PLOD2: variants seen among roughly 807,000 people sequenced by gnomAD.
PLOD2 encodes the protein lysine hydroxylase 2.
PLOD2 carries 65 observed loss-of-function variants against 101.0 expected under a neutral mutation model. That is an observed-to-expected ratio of 0.64 (90% confidence interval 0.53 to 0.79). The LOEUF is 0.79. Among genes scored for constraint, PLOD2 ranks in the 30% least tolerant of loss-of-function variants. PLOD2 has a pLI of 0.00. For missense variants in PLOD2, 909 were observed against 914.6 expected (o/e 0.99, Z 0.08); for synonymous variants, 314 against 302.9 (o/e 1.04, Z -0.38).
At chr3:146,123,294 G>T in intron 2 of PLOD2, 2 of 1,170,800 alleles carry the variant, frequency 1.7e-6, no homozygotes, top group Non-Finnish European at 2.1e-6. Flanking sequence ...CCTCTTATTT[G>T]TAGAAAAGAC....
intron 1 of PLOD2, among the ~76,000 whole-genome samples, chr3:146,157,032 G>A (rs2032331540): frequency 6.6e-6 from 1 of 152,176 alleles, no homozygotes; most frequent in Admixed American, 6.5e-5. Flanking sequence ...GCCAAACATG[G>A]TTCAGAAACA....
intron 1 of PLOD2, among the ~76,000 whole-genome samples, chr3:146,138,384 A>G (rs999722562): frequency 6.6e-6 from 1 of 152,158 alleles, no homozygotes; most frequent in Non-Finnish European, 1.5e-5. Context: ...TCAGGGCTAA[A>G]GATAAAGAAC....
intron 1 of PLOD2, among the ~76,000 whole-genome samples, chr3:146,131,313 A>G (rs908640896): frequency 6.6e-5 from 10 of 152,190 alleles, no homozygotes; most frequent in Admixed American, 5.2e-4. Context: ...GAGTACAACC[A>G]TATGCTGAAT....
intron 1 of PLOD2, among the ~76,000 whole-genome samples, chr3:146,154,743 A>G (rs561542623): frequency 6.6e-6 from 1 of 152,240 alleles, no homozygotes; most frequent in Non-Finnish European, 1.5e-5. Flanking sequence ...TAGAAATTTT[A>G]AAATGATTTT....
chr3:146,148,768 T>G (rs913407364), intron 1 of PLOD2, among the ~76,000 whole-genome samples: 42 of 152,232 alleles, frequency 2.8e-4, no homozygotes, highest in African/African-American at 9.9e-4. Flanking sequence ...TATTTCTGAA[T>G]CTCTGCTGAT....
At chr3:146,129,140 T>A (rs2030754985) in intron 1 of PLOD2, among the ~76,000 whole-genome samples, 1 of 152,138 alleles carries the variant, frequency 6.6e-6, no homozygotes, top group Non-Finnish European at 1.5e-5. Context: ...ATGTCTTTTA[T>A]CTGTAAAGAT....
chr3:146,124,197 C>G lies in PLOD2; in HGVS notation c.142G>C (p.Glu48Gln), dbSNP rs564246642. The change falls in exon 2 of 20, where the codon GAA (glutamate) becomes CAA (glutamine). Residue 48 changes from glutamate (E) to glutamine (Q), a missense_variant. Transcript: ENST00000282903. ...ATAAATCGATGGAATCCATCACTTTCTTTTGTTGCTACAGTTATGACTAAT... is the reference window on the plus strand; with the variant it reads ...ATAAATCGATGGAATCCATCACTTTGTTTTGTTGCTACAGTTATGACTAAT... ...KLLVITVATK[E>Q]SDGFHRFMQS... 6.3e-7 allele frequency: 1 copy of G among 1,595,312 alleles called. No individual in the cohort carries two copies. The highest frequency in any genetic ancestry group is 2.2e-5 in the East Asian group (1 of 44,662).
chr3:146,075,642 A>G (rs191779771), intron 15 of PLOD2, among the ~76,000 whole-genome samples: 3 of 151,706 alleles, frequency 2.0e-5, no homozygotes, highest in African/African-American at 7.2e-5. Context: ...AAATAATTTT[A>G]AAAAATGTAT....
intron 3 of PLOD2, among the ~76,000 whole-genome samples, chr3:146,119,184 A>T (rs1311209698): frequency 6.6e-6 from 1 of 152,050 alleles, no homozygotes; most frequent in Non-Finnish European, 1.5e-5. Context: ...GTTTAAAAGC[A>T]TGTAGCACAT....
chr3:146,134,914 G>T (rs979783397), intron 1 of PLOD2, among the ~76,000 whole-genome samples: 1 of 152,086 alleles, frequency 6.6e-6, no homozygotes, highest in African/African-American at 2.4e-5. Flanking sequence ...CAAGTCTGCC[G>T]AAATTAAAGC....
chr3:146,081,830 T>C lies in PLOD2; in HGVS notation c.1266A>G (p.Gly422=), dbSNP rs1287220799. 6 of 1,612,772 alleles carry C rather than the reference T, an allele frequency of 3.7e-6. No homozygotes were observed. The highest frequency in any genetic ancestry group is 5.1e-6 in the Non-Finnish European group (6 of 1,178,940). ...KIIAPLVTRH[G]KLWSNFWGAL... is the part of the protein sequence containing the mutation. ...CTCCCCAGAAATTGGACCACAGCTTTCCATGACGAGTTACAAGAGGAGCAA... is the reference window on the plus strand; with the variant it reads ...CTCCCCAGAAATTGGACCACAGCTTCCCATGACGAGTTACAAGAGGAGCAA... Residue 422 remains glycine, a synonymous_variant, in exon 12 of 20, where the codon GGA becomes GGG. Coordinates refer to ENST00000282903, the MANE Select transcript of PLOD2 (RefSeq NM_182943.3).
At chr3:146,120,004 T>C (rs2029973730) in intron 3 of PLOD2, among the ~76,000 whole-genome samples, 2 of 152,202 alleles carry the variant, frequency 1.3e-5, no homozygotes, top group African/African-American at 4.8e-5. Context: ...TCTAGATCCC[T>C]GAGGAATCAC....
At chr3:146,105,084 C>T (rs1937513439) in intron 5 of PLOD2, 1 of 152,196 alleles carries the variant, frequency 6.6e-6, no homozygotes, top group African/African-American at 2.4e-5. Flanking sequence ...GGTGGAGCAA[C>T]AAAAGAGCTA....
At chr3:146,140,189 T>C (rs2031454263) in intron 1 of PLOD2, among the ~76,000 whole-genome samples, 1 of 131,918 alleles carries the variant, frequency 7.6e-6, no homozygotes, top group South Asian at 2.5e-4. Flanking sequence ...TTTGGGGAAT[T>C]TATGTAGCAG....
chr3:146,074,720 AAT>A (rs1252280516), intron 15 of PLOD2, among the ~76,000 whole-genome samples: 5 of 151,476 alleles, frequency 3.3e-5, no homozygotes, highest in Non-Finnish European at 7.4e-5. Flanking sequence ...TAAAAAAAAA[AAT>A]CCCCTAAGAT....
intron 4 of PLOD2, 84 bp downstream of exon 4, chr3:146,110,201 T>C (rs1236716494): frequency 1.9e-5 from 23 of 1,179,706 alleles, no homozygotes; most frequent in Non-Finnish European, 2.5e-5. Flanking sequence ...AAACTTCATA[T>C]CTAAAGTTAC....
intron 8 of PLOD2, among the ~76,000 whole-genome samples, chr3:146,089,244 ATATCT>A (rs916999352): frequency 1.1e-4 from 16 of 151,400 alleles, no homozygotes; most frequent in African/African-American, 3.1e-4. Flanking sequence ...TAATGTTAAT[ATATCT>A]TATCTTAATG....
intron 1 of PLOD2, among the ~76,000 whole-genome samples, chr3:146,159,852 G>C (rs1432755193): frequency 6.6e-6 from 1 of 152,172 alleles, no homozygotes; most frequent in South Asian, 2.1e-4. Context: ...GACGCTTTCT[G>C]AAACACTTAA....
intron 1 of PLOD2, among the ~76,000 whole-genome samples, chr3:146,144,912 G>T (rs1295112726): frequency 3.3e-5 from 5 of 151,986 alleles, no homozygotes; most frequent in African/African-American, 1.2e-4. Flanking sequence ...TGTGTTCATG[G>T]ACAAATTTAA....
Sources: allele counts gnomAD v4.1 joint callset (sites outside exome capture counted in the v4.1 genomes callset), GRCh38; gene constraint gnomAD v4.1.1; transcripts MANE v1.5; gene names NCBI Gene and HGNC (gene_info 2026-07-23, HGNC 2026-07-21).